Variants in GPN1 observed in about 807,000 individuals in gnomAD.
The protein encoded by GPN1 is ATP(GTP)-binding protein.
A neutral mutation model predicts 55.9 loss-of-function variants in GPN1; 44 were observed. The observed-to-expected ratio is 0.79, with a 90% CI of 0.62 to 1.01. The LOEUF is 1.01. Ranked by LOEUF, GPN1 falls within the 50% of genes least tolerant of loss-of-function variation. GPN1 has a pLI of 0.00. For synonymous variants in GPN1, 179 were observed against 162.5 expected (o/e 1.10, Z -0.77); for missense variants, 466 against 462.8 (o/e 1.01, Z -0.06).
At position 27,630,346 on chromosome 2, in the gene GPN1, T is replaced by C. The variant is rs180866486; in HGVS notation, c.205+394T>C. ...TTCATGTTTTCTAAACTATCTACTT[T>C]CATTTCCTTTGGATTTGCTTGCATT... On this transcript the variant is annotated intron_variant, in intron 2 of 13. Transcript: ENST00000610189. Among the ~76,000 whole-genome samples, 376 of 151,966 alleles carry C rather than the reference T, an allele frequency of 2.5e-3. 3 individuals are homozygous for C. Among genetic ancestry groups the C allele is most frequent in the Non-Finnish European group, 7.9e-4 (54 of 67,984 alleles).
At chr2:27,642,954 T>TACACACACACACACACACAC (rs1270219794) in intron 12 of GPN1, among the ~76,000 whole-genome samples, 233 of 46,786 alleles carry the variant, frequency 5.0e-3, no homozygotes, top group Admixed American at 0.015. Flanking sequence ...TATATATATA[T>TACACACACACACACACACAC]ATATACACAC....
rs762549282 is a variant in GPN1, at chr2:27,635,223, C to G, written c.513C>G (p.Leu171=). 1.3e-6 allele frequency: 2 copies of G among 1,543,602 alleles called. No individual in the cohort carries two copies. Among genetic ancestry groups the G allele is most frequent in the African/African-American group, 1.4e-5 (1 of 73,348 alleles). The change falls in exon 7 of 14, where the codon CTC becomes CTG. Residue 171 remains leucine, a synonymous_variant. Coordinates refer to ENST00000610189, the MANE Select transcript of GPN1 (RefSeq NM_007266.4). The part of the protein sequence containing the change: ...TNPVTFMSNM[L]YACSILYKTK... ...CAGTGACCTTCATGTCCAACATGCT[C>G]TATGCCTGCAGGTAATTGATTGTTG...
intron 8 of GPN1, among the ~76,000 whole-genome samples, chr2:27,638,546 G>A (rs902963877): frequency 2.0e-5 from 3 of 152,200 alleles, no homozygotes; most frequent in African/African-American, 7.2e-5. Context: ...CTAGTCTACT[G>A]GAAGTGGCAA....
upstream of GPN1, chr2:27,628,988 C>T (rs1321152882): frequency 1.7e-5 from 27 of 1,605,010 alleles, no homozygotes; most frequent in South Asian, 1.2e-4. Flanking sequence ...TCGTTCGCAG[C>T]CCAGAACATT....
intron 12 of GPN1, among the ~76,000 whole-genome samples, chr2:27,645,365 A>G (rs192468056): frequency 1.3e-5 from 2 of 152,248 alleles, no homozygotes; most frequent in Non-Finnish European, 2.9e-5. Context: ...ATGTTTCAAT[A>G]TCTGCTAGAT....
intron 3 of GPN1, 86 bp from the exon 4 acceptor site, chr2:27,631,748 A>C: frequency 4.8e-6 from 4 of 829,292 alleles, no homozygotes; most frequent in South Asian, 4.1e-5. Context: ...CACTAATTTC[A>C]TAATGCCGTT....
intron 12 of GPN1, among the ~76,000 whole-genome samples, chr2:27,642,958 T>TATATATACACACAC (rs10643705): frequency 1.6e-5 from 2 of 122,610 alleles, no homozygotes; most frequent in African/African-American, 3.0e-5. Context: ...TATATATATA[T>TATATATACACACAC]ACACACACAC....
In GPN1 at chr2:27,634,887, C is replaced by T. The variant is rs1673673439; in HGVS notation, c.392C>T (p.Thr131Ile). ...ACACCTGGACAGATTGAGGTATTCA[C>T]CTGGTCAGCTTCTGGGACAATTATC... Reference protein sequence around the residue: ...IDTPGQIEVFTWSASGTIITE... With the variant: ...IDTPGQIEVFIWSASGTIITE... The change falls in exon 6 of 14, where the codon ACC (threonine) becomes ATC (isoleucine). Residue 131 changes from threonine (T) to isoleucine (I), a missense_variant. Transcript: ENST00000610189. 4 of 1,603,446 alleles carry T rather than the reference C, an allele frequency of 2.5e-6. No individual in the cohort carries two copies. Among genetic ancestry groups the T allele is most frequent in the Middle Eastern group, 1.7e-4 (1 of 6,048 alleles).
upstream of GPN1, chr2:27,628,810 A>G: frequency 6.7e-7 from 1 of 1,489,354 alleles, no homozygotes. Flanking sequence ...CAGGCTGCAG[A>G]GATCAGCGCC....
chr2:27,631,708 G>T lies in GPN1; in HGVS notation c.246-126G>T, dbSNP rs1673559002. The T allele has an allele frequency of 4.2e-6, 3 of 714,650 alleles. No homozygotes were observed. In the South Asian group the frequency reaches 4.7e-5, roughly 11 times the overall value. 44.3% of individuals were successfully genotyped at this position (714,650 alleles called of 1,614,324 possible). ...GTGGTTAAGTTTGTATGGTAGTCAA[G>T]GATTAGGTTGCCAGTATCCATTAAT... On this transcript the variant is annotated intron_variant, in intron 3 of 13. Transcript: ENST00000610189.
intron 5 of GPN1, among the ~76,000 whole-genome samples, 161 bp from the exon 6 acceptor site, chr2:27,634,685 A>G (rs551282614): frequency 6.6e-6 from 1 of 152,308 alleles, no homozygotes; most frequent in East Asian, 1.9e-4. Context: ...AGTCTAGGGG[A>G]TCATCATGTG....
rs1674082430 is a variant in GPN1, at chr2:27,643,840, T to C, written c.931+1321T>C. 6.6e-6 allele frequency among the ~76,000 whole-genome samples: 1 copy of C among 152,218 alleles called. No individual in the cohort carries two copies. The highest frequency in any genetic ancestry group is 2.4e-5 in the African/African-American group (1 of 41,458). Reference sequence around the variant, plus strand: ...GTCCCATTACTGGTGATGTTAACTTTGAGTATTTTTATAAAGTGGTGTATG... The same window carrying C: ...GTCCCATTACTGGTGATGTTAACTTCGAGTATTTTTATAAAGTGGTGTATG... On this transcript the variant is annotated intron_variant, in intron 12 of 13. Coordinates refer to ENST00000610189, the MANE Select transcript of GPN1 (RefSeq NM_007266.4). The surrounding 1 kb of genome is among the most constrained non-coding windows in gnomAD (Gnocchi z 4.0).
chr2:27,645,624 A>C (rs1674191573), intron 12 of GPN1, among the ~76,000 whole-genome samples: 1 of 151,670 alleles, frequency 6.6e-6, no homozygotes, highest in African/African-American at 2.4e-5. Context: ...TTCCATATAT[A>C]GGTTTTTCTT....
rs1284386926 is a variant in GPN1 at position 27,640,062 on chromosome 2, T to C, written c.737T>C (p.Val246Ala). The change falls in exon 10 of 14, where the codon GTT becomes GCT. Residue 246 changes from valine to alanine, a missense_variant. Val to Ala is a moderately conservative substitution (Grantham distance 64). Transcript: ENST00000610189. ...SSLRVVGVSA[V>A]LGTGLDELFV... ...TGGCAGGTGGTGGGTGTCTCTGCTG[T>C]TCTGGGTACTGGATTAGATGAACTC... is the stretch of plus-strand genomic sequence containing the variant. 2 of 1,612,380 alleles carry C rather than the reference T, an allele frequency of 1.2e-6. No individual in the cohort carries two copies. Among genetic ancestry groups the C allele is most frequent in the East Asian group, 4.5e-5 (2 of 44,866 alleles).
chr2:27,644,364 G>A (rs1220530893), intron 12 of GPN1, among the ~76,000 whole-genome samples: 1 of 152,034 alleles, frequency 6.6e-6, no homozygotes, highest in Non-Finnish European at 1.5e-5. Context: ...TGTTGCAAAT[G>A]TTTAATATTT....
intron 3 of GPN1, 145 bp from the exon 4 acceptor site, chr2:27,631,689 A>C (rs574540191): frequency 1.5e-6 from 1 of 660,606 alleles, no homozygotes; most frequent in South Asian, 1.8e-5. Context: ...CTGTGTGGTT[A>C]AGTTTGTATG....
At position 27,642,962 on chromosome 2, in the gene GPN1, C is replaced by T. The variant is rs555515392; in HGVS notation, c.931+443C>T. 8.4e-3 allele frequency among the ~76,000 whole-genome samples: 1,172 copies of T among 139,994 alleles called. 16 individuals are homozygous for T. Among genetic ancestry groups the T allele is most frequent in the African/African-American group, 0.029 (1,023 of 35,590 alleles). The allele number at this position is 139,994 out of a possible 152,430, so 91.8% of individuals were successfully genotyped here. ...GTGGTTTTATATATATATATATACA[C>T]ACACACACACACACACACACACACA... On this transcript the variant is annotated intron_variant, in intron 12 of 13. Transcript: ENST00000610189.
At chr2:27,633,699 A>T (rs936806558) in intron 5 of GPN1, among the ~76,000 whole-genome samples, 6 of 149,884 alleles carry the variant, frequency 4.0e-5, no homozygotes, top group African/African-American at 1.2e-4. Flanking sequence ...CTGGTCTCAA[A>T]CTCCTAACCT....
chr2:27,628,941 G>A (rs1332684652), upstream of GPN1: 2 of 1,527,386 alleles, frequency 1.3e-6, no homozygotes, highest in South Asian at 1.3e-5. Flanking sequence ...CAACCGCCGC[G>A]CCCCTCACCC....
Sources: gnomAD v4.1 joint callset for allele counts (sites outside exome capture counted in the v4.1 genomes callset) on GRCh38, gnomAD v4.1.1 for gene constraint, Gnocchi (gnomAD v3.1) non-coding constraint, MANE v1.5 for transcripts, NCBI Gene and HGNC (gene_info 2026-07-23, HGNC 2026-07-21) for gene names.